The following SYCP2L variants were observed in gnomAD, a reference collection of about 807,000 sequenced individuals.
SYCP2L encodes synaptonemal complex protein 2-like.
In SYCP2L, 98 loss-of-function variants were observed where a neutral mutation model predicts 125.8. That is an observed-to-expected ratio of 0.78 (90% CI 0.66 to 0.92). The LOEUF (loss-of-function observed/expected upper bound fraction) is 0.92, where lower values mean the gene tolerates loss of function less well. Among genes scored for constraint, SYCP2L ranks in the 40% least tolerant of loss-of-function variants. The pLI is 0.00. For missense variants in SYCP2L, 842 were observed against 936.4 expected (o/e 0.90, Z 1.32); for synonymous variants, 317 against 325.4 (o/e 0.97, Z 0.28).
intron 10 of SYCP2L, among the ~76,000 whole-genome samples, chr6:10,908,099 T>C (rs1291246079): frequency 6.6e-6 from 1 of 151,858 alleles, no homozygotes; most frequent in Non-Finnish European, 1.5e-5. Context: ...TGTTGGCCAG[T>C]CTTATCTTGA....
At chr6:10,956,074 T>C (rs1781498821) in intron 24 of SYCP2L, 62 bp from the exon 25 acceptor site, 1 of 1,365,686 alleles carries the variant, frequency 7.3e-7, no homozygotes. Context: ...AACTGATGAA[T>C]TGAGCAAGTC....
chr6:10,920,405 T>C (rs1174707746), intron 14 of SYCP2L, among the ~76,000 whole-genome samples: 1 of 152,000 alleles, frequency 6.6e-6, no homozygotes, highest in Non-Finnish European at 1.5e-5. Context: ...TTAGTAGAGA[T>C]GGGGTTTTGC....
intron 21 of SYCP2L, among the ~76,000 whole-genome samples, chr6:10,936,561 G>C (rs1781098868): frequency 6.6e-6 from 1 of 152,044 alleles, no homozygotes; most frequent in Admixed American, 6.6e-5. Context: ...CTACAAAAGA[G>C]TAACAATCAA....
intron 15 of SYCP2L, 29 bp downstream of exon 15, chr6:10,924,670 TA>T (rs1780867165): frequency 6.7e-7 from 1 of 1,488,936 alleles, no homozygotes; most frequent in Non-Finnish European, 8.9e-7. Flanking sequence ...TTGGATTATT[TA>T]AAAATGTTTT....
chr6:10,901,359 T>G (rs1780374315), intron 6 of SYCP2L, among the ~76,000 whole-genome samples: 1 of 152,200 alleles, frequency 6.6e-6, no homozygotes, highest in Non-Finnish European at 1.5e-5. Flanking sequence ...AATATTACTC[T>G]CACTTTGCAG....
At chr6:10,907,481 T>A in intron 9 of SYCP2L, 61 bp from the exon 10 acceptor site, 1 of 1,501,416 alleles carries the variant, frequency 6.7e-7, no homozygotes, top group Non-Finnish European at 9.0e-7. Flanking sequence ...AATCTGGAAC[T>A]CATTTTTTCT....
At chr6:10,925,275 C>T (rs1481636626) in intron 15 of SYCP2L, among the ~76,000 whole-genome samples, 2 of 152,146 alleles carry the variant, frequency 1.3e-5, no homozygotes, top group Non-Finnish European at 2.9e-5. Context: ...TGGGGTCTCT[C>T]CCATGACATG....
At chr6:10,957,852 C>T (rs28578646) in intron 25 of SYCP2L, among the ~76,000 whole-genome samples, 17,957 of 151,916 alleles carry the variant, frequency 0.12, 3,237 homozygotes, top group African/African-American at 0.39. Flanking sequence ...GAGACAAAGA[C>T]GGAGGTGGAC....
intron 12 of SYCP2L, 52 bp downstream of exon 12, chr6:10,910,921 A>C (rs139107424): frequency 6.3e-7 from 1 of 1,599,402 alleles, no homozygotes; most frequent in East Asian, 2.2e-5. Flanking sequence ...TGAAACCAGG[A>C]GTTAGGTTTA....
chr6:10,948,099 A>G (rs1370960929), intron 23 of SYCP2L, among the ~76,000 whole-genome samples: 2 of 152,142 alleles, frequency 1.3e-5, no homozygotes, highest in Non-Finnish European at 2.9e-5. Context: ...GGTATCTAAT[A>G]TGATATTTTG....
intron 26 of SYCP2L, among the ~76,000 whole-genome samples, chr6:10,960,876 G>A (rs146073370): frequency 6.6e-6 from 1 of 152,298 alleles, no homozygotes; most frequent in African/African-American, 2.4e-5. Context: ...AGGAGCTTGA[G>A]ATCAGCCTGG....
Position 10,894,072 on chromosome 6 carries a change from G to A in SYCP2L, c.217-13G>A. 6 of 1,609,502 alleles carry A rather than the reference G, an allele frequency of 3.7e-6. No homozygotes were observed. The highest frequency in any genetic ancestry group is 5.1e-6 in the Non-Finnish European group (6 of 1,178,936). The stretch of plus-strand genomic sequence containing the variant: ...ATTTATAAGTGTTTTAACTTAGTGT[G>A]GTTTATACCTAGGAACTAGATAAAA... On this transcript the variant is annotated splice_polypyrimidine_tract_variant and intron_variant, in intron 3 of 29. Coordinates refer to ENST00000283141, the MANE Select transcript of SYCP2L (RefSeq NM_001040274.3).
intron 29 of SYCP2L, among the ~76,000 whole-genome samples, chr6:10,967,454 G>GGGGTATGTGTGTGT (rs56098075): frequency 7.2e-6 from 1 of 138,838 alleles, no homozygotes; most frequent in Non-Finnish European, 1.6e-5. Context: ...TGGGGTAGAG[G>GGGGTATGTGTGTGT]GTGTGTGTGT....
At chr6:10,888,289 G>C (rs1337361002) in intron 1 of SYCP2L, among the ~76,000 whole-genome samples, 1 of 151,666 alleles carries the variant, frequency 6.6e-6, no homozygotes, top group Non-Finnish European at 1.5e-5. Flanking sequence ...TAGAGACGGG[G>C]TTTCACCATG....
rs543196759 is a variant in SYCP2L at position 10,930,423 on chromosome 6, C to T, written c.1542C>T (p.Thr514=). Residue 514 remains threonine (T), a synonymous_variant, in exon 19 of 30, where the codon ACC becomes ACT. Transcript: ENST00000283141. ...CTGAGAGTAATCAAGATTCAAGTAC[C>T]AGTGAACTATCTTGGACCAGTAACC... ...LFSESNQDSS[T]SELSWTSNQK... 4.3e-6 allele frequency: 7 copies of T among 1,613,608 alleles called. No individual in the cohort carries two copies. In the South Asian group the frequency reaches 7.7e-5, roughly 18 times the overall value.
chr6:10,925,193 C>T (rs1015408520), intron 15 of SYCP2L, among the ~76,000 whole-genome samples: 1 of 152,128 alleles, frequency 6.6e-6, no homozygotes, highest in Non-Finnish European at 1.5e-5. Context: ...TTTATAAAAC[C>T]ATCAGATCTT....
chr6:10,910,260 A>G, intron 11 of SYCP2L, 60 bp downstream of exon 11: 2 of 1,486,238 alleles, frequency 1.3e-6, no homozygotes, highest in South Asian at 2.3e-5. Flanking sequence ...TAATATTTTA[A>G]AAGAACAGTT....
chr6:10,945,048 C>A (rs1015215021), intron 23 of SYCP2L, among the ~76,000 whole-genome samples: 2 of 151,978 alleles, frequency 1.3e-5, no homozygotes, highest in Admixed American at 6.6e-5. Flanking sequence ...TTCATTGATC[C>A]AAATGTTGGT....
At chr6:10,893,788 A>G in intron 2 of SYCP2L, 79 bp from the exon 3 acceptor site, 1 of 1,445,702 alleles carries the variant, frequency 6.9e-7, no homozygotes, top group Non-Finnish European at 9.5e-7. Flanking sequence ...ATTCTTATTG[A>G]TAATGAGATC....
Sources: gnomAD v4.1 joint callset for allele counts (sites outside exome capture counted in the v4.1 genomes callset) on GRCh38, gnomAD v4.1.1 for gene constraint, MANE v1.5 for transcripts, NCBI Gene and HGNC (gene_info 2026-07-23, HGNC 2026-07-21) for gene names.